The following RANBP2 variants were observed in gnomAD, a reference collection of about 807,000 sequenced individuals.
RANBP2 encodes the protein RAN binding protein 2, also known as E3 SUMO-protein ligase RanBP2.
In RANBP2, 57 loss-of-function variants were observed where a neutral mutation model predicts 303.6. The ratio of observed to expected loss-of-function variants is 0.19; its 90% CI spans 0.15 to 0.23. The LOEUF (loss-of-function observed/expected upper bound fraction) is 0.23, where lower values mean the gene tolerates loss of function less well. RANBP2 is among the 10% of genes least tolerant of loss of function. RANBP2 has a pLI of 1.00. For missense variants in RANBP2, 3,138 were observed against 3,780.8 expected (o/e 0.83, Z 4.46); for synonymous variants, 1,167 against 1,301.5 (o/e 0.90, Z 2.23).
chr2:109,019,957 C>T, the RANBP2 span, among the ~76,000 whole-genome samples: 14 of 152,238 alleles, frequency 9.2e-5, no homozygotes, highest in South Asian at 2.1e-3. Context: ...CAGAGCTCTC[C>T]GTGAGCAGAG....
At chr2:109,550,838 T>C in the RANBP2 span, among the ~76,000 whole-genome samples, 5 of 152,324 alleles carry the variant, frequency 3.3e-5, no homozygotes, top group East Asian at 7.7e-4. Flanking sequence ...GTTCTCCTCA[T>C]GTTCATGGTT....
At chr2:109,009,709 TTG>T in the RANBP2 span, among the ~76,000 whole-genome samples, 2 of 96,838 alleles carry the variant, frequency 2.1e-5, no homozygotes, top group African/African-American at 3.9e-5. Context: ...TACCTTTTTT[TTG>T]TTTTTTTTTT....
chr2:109,199,602 T>TC, the RANBP2 span, among the ~76,000 whole-genome samples: 13 of 340 alleles, frequency 0.038, no homozygotes, highest in Non-Finnish European at 0.049. Flanking sequence ...TGGAATGGAA[T>TC]GGAATGGAAT....
At chr2:108,821,474 G>A in the RANBP2 span, among the ~76,000 whole-genome samples, 1 of 152,194 alleles carries the variant, frequency 6.6e-6, no homozygotes, top group East Asian at 1.9e-4. Context: ...ACTTTAAGAT[G>A]TTTTATGTAA....
At chr2:109,554,268 AAAAC>A in the RANBP2 span, among the ~76,000 whole-genome samples, 1 of 152,222 alleles carries the variant, frequency 6.6e-6, no homozygotes, top group African/African-American at 2.4e-5. Context: ...ATGTAATTCA[AAAAC>A]AAACAATAAC....
At chr2:109,260,396 A>G in the RANBP2 span, among the ~76,000 whole-genome samples, 6 of 152,204 alleles carry the variant, frequency 3.9e-5, no homozygotes. Context: ...CCACCAAAGC[A>G]GGAGAGCAGG....
chr2:109,361,127 T>G, the RANBP2 span, among the ~76,000 whole-genome samples: 3 of 152,228 alleles, frequency 2.0e-5, no homozygotes, highest in South Asian at 6.2e-4. Context: ...TAGGTTACAT[T>G]TATTGATTTT....
At chr2:109,409,709 C>A in the RANBP2 span, among the ~76,000 whole-genome samples, 1 of 152,048 alleles carries the variant, frequency 6.6e-6, no homozygotes, top group Non-Finnish European at 1.5e-5. Context: ...AGAGGGAGAT[C>A]GAGAGGCACG....
chr2:109,465,481 A>G, the RANBP2 span, among the ~76,000 whole-genome samples: 1 of 152,020 alleles, frequency 6.6e-6, no homozygotes, highest in Non-Finnish European at 1.5e-5. Flanking sequence ...TCATATCCTC[A>G]CCAGCATTCA....
chr2:108,758,598 C>T, intron 18 of RANBP2, 50 bp downstream of exon 18: 3 of 1,609,290 alleles, frequency 1.9e-6, no homozygotes, highest in Non-Finnish European at 2.5e-6. Context: ...TACTTTACTT[C>T]CCTCTTTTAA....
chr2:109,671,460 G>T, the RANBP2 span, among the ~76,000 whole-genome samples: 1 of 152,252 alleles, frequency 6.6e-6, no homozygotes, highest in South Asian at 2.1e-4. Flanking sequence ...TCAGGGTTCG[G>T]CTGGCCTGGC....
At chr2:109,189,234 G>T in the RANBP2 span, among the ~76,000 whole-genome samples, 1 of 151,862 alleles carries the variant, frequency 6.6e-6, no homozygotes, top group Admixed American at 6.6e-5. Flanking sequence ...TGTTCAGAAG[G>T]AGGTGGCGTG....
the RANBP2 span, among the ~76,000 whole-genome samples, chr2:108,811,641 G>T: frequency 1.3e-5 from 2 of 152,148 alleles, no homozygotes; most frequent in South Asian, 2.1e-4. Flanking sequence ...GATTCAGAGG[G>T]TACATGTGCA....
At chr2:109,249,504 TCTTTCA>T in the RANBP2 span, among the ~76,000 whole-genome samples, 3 of 30,948 alleles carry the variant, frequency 9.7e-5, no homozygotes, top group South Asian at 1.0e-3. Context: ...TTTCTTTCTT[TCTTTCA>T]TTCTTTCTTT....
chr2:109,373,380 A>G, the RANBP2 span, among the ~76,000 whole-genome samples: 59,312 of 152,102 alleles, frequency 0.39, 11,824 homozygotes, highest in African/African-American at 0.45. Context: ...AGTTCATTAC[A>G]ATGGCCCTAA....
At chr2:108,974,033 G>T in the RANBP2 span, among the ~76,000 whole-genome samples, 1 of 152,184 alleles carries the variant, frequency 6.6e-6, no homozygotes, top group Non-Finnish European at 1.5e-5. Context: ...AAGAAAAATA[G>T]AAATGCCACA....
chr2:109,182,091 T>C, the RANBP2 span, among the ~76,000 whole-genome samples: 2 of 152,214 alleles, frequency 1.3e-5, no homozygotes, highest in African/African-American at 2.4e-5. Flanking sequence ...AGGTAATTGC[T>C]TCACCTGTTG....
the RANBP2 span, among the ~76,000 whole-genome samples, chr2:109,487,609 GCAGA>G: frequency 6.6e-6 from 1 of 152,218 alleles, no homozygotes; most frequent in African/African-American, 2.4e-5. Context: ...CCTTTCCAAA[GCAGA>G]CAGCTAAGGT....
At chr2:109,193,862 G>A in the RANBP2 span, among the ~76,000 whole-genome samples, 2 of 152,190 alleles carry the variant, frequency 1.3e-5, no homozygotes, top group Non-Finnish European at 2.9e-5. Flanking sequence ...CCGGGGATGG[G>A]TTTTCTGATA....
Sources: gnomAD v4.1 joint callset for allele counts (sites outside exome capture counted in the v4.1 genomes callset) on GRCh38, gnomAD v4.1.1 for gene constraint, MANE v1.5 for transcripts, NCBI Gene and HGNC (gene_info 2026-07-23, HGNC 2026-07-21) for gene names.